The following TBX18 variants were observed in gnomAD, a reference collection of about 807,000 sequenced individuals.
TBX18 encodes T-box transcription factor 18.
Under a neutral mutation model 55.0 loss-of-function variants are expected in TBX18, and 21 were observed. The observed-to-expected ratio is 0.38, with a 90% CI of 0.27 to 0.55. The LOEUF (loss-of-function observed/expected upper bound fraction) is 0.55. Among genes scored for constraint, TBX18 ranks in the 20% least tolerant of loss-of-function variants. TBX18 has a pLI of 0.73. For missense variants in TBX18, 840 were observed against 799.6 expected, an observed-to-expected ratio of 1.05 and a Z score of -0.61; for synonymous variants, 342 against 326.1, an observed-to-expected ratio of 1.05 and a Z score of -0.53.
At position 84,763,971 on chromosome 6, in the gene TBX18, C is replaced by G; in HGVS notation, c.211G>C (p.Glu71Gln). ...GCCGGCGGCGGGAGCGCAGCGCCTT[C>G]GTCTCCCTCAGAAGAACCCTTTTCG... is the stretch of plus-strand genomic sequence containing the variant. The part of the protein sequence containing the change: ...AGEKGSSEGD[E>Q]GAALPPPAGA... Residue 71 changes from glutamate (E) to glutamine (Q), a missense_variant, in exon 1 of 8, where the codon GAA becomes CAA. Glu to Gln is a conservative substitution (Grantham distance 29). Coordinates refer to ENST00000369663, the MANE Select transcript of TBX18 (RefSeq NM_001080508.3). 1 of 1,581,054 alleles carries G rather than the reference C, an allele frequency of 6.3e-7. No homozygotes were observed.
chr6:84,737,349 G>A lies in TBX18; in HGVS notation c.1160C>T (p.Pro387Leu), dbSNP rs1442535768. 6.4e-7 allele frequency: 1 copy of A among 1,566,240 alleles called. No homozygotes were observed. The highest frequency in any genetic ancestry group is 1.2e-5 in the South Asian group (1 of 81,686). The change falls in exon 8 of 8, where the codon CCT becomes CTT. Residue 387 changes from proline to leucine, a missense_variant. Coordinates refer to ENST00000369663, the MANE Select transcript of TBX18 (RefSeq NM_001080508.3). ...GTGNGVPATH[P>L]HLLSGSSCSS... The stretch of plus-strand genomic sequence containing the variant: ...GCAAGAGGAGCCAGACAAAAGGTGA[G>A]GGTGAGTGGCAGGAACGCCATTCCC...
At chr6:84,745,615 T>G (rs867537518) in intron 5 of TBX18, among the ~76,000 whole-genome samples, 2 of 152,146 alleles carry the variant, frequency 1.3e-5, no homozygotes, top group Admixed American at 6.6e-5. Context: ...AGTCATCATG[T>G]CTGCCACTCT....
intron 6 of TBX18, among the ~76,000 whole-genome samples, chr6:84,738,990 T>C (rs1332058345): frequency 6.6e-6 from 1 of 152,152 alleles, no homozygotes; most frequent in East Asian, 1.9e-4. Flanking sequence ...AGGAAGGCAT[T>C]GCCACAAAAG....
intron 7 of TBX18, 123 bp downstream of exon 7, chr6:84,738,374 G>C (rs1766940066): frequency 2.5e-6 from 2 of 813,734 alleles, no homozygotes; most frequent in Non-Finnish European, 4.3e-6. Context: ...GATGGAATCT[G>C]TAGGACAATG....
At chr6:84,751,987 G>A (rs1767361403) in intron 4 of TBX18, among the ~76,000 whole-genome samples, 1 of 152,188 alleles carries the variant, frequency 6.6e-6, no homozygotes, top group South Asian at 2.1e-4. Flanking sequence ...ACAATGATAT[G>A]ATGCCCATCT....
Position 84,763,902 on chromosome 6 carries a change from G to C in TBX18, c.280C>G (p.Arg94Gly). ...GPARSGADLERGAAGGCEDGF... is the reference protein window; with the variant it reads ...GPARSGADLEGGAAGGCEDGF... ...GGGGCCCACTCACCCGCGGCTCCGC[G>C]CTCCAGGTCTGCGCCACTCCGAGCC... is the stretch of plus-strand genomic sequence containing the variant. The change falls in exon 1 of 8, where the codon CGC becomes GGC. Residue 94 changes from arginine (R) to glycine (G), a missense_variant. Arg to Gly is a moderately radical substitution (Grantham distance 125, BLOSUM62 -2). Coordinates refer to ENST00000369663, the MANE Select transcript of TBX18 (RefSeq NM_001080508.3). 2 of 1,515,098 alleles carry C rather than the reference G, an allele frequency of 1.3e-6. No homozygotes were observed. Among genetic ancestry groups the C allele is most frequent in the South Asian group, 1.3e-5 (1 of 78,592 alleles). The allele number at this position is 1,515,098 out of a possible 1,614,324, so 93.9% of individuals were successfully genotyped here. A position where few individuals can be genotyped will look rare whatever the true frequency, so the allele number is the denominator to read the frequency against.
intron 4 of TBX18, among the ~76,000 whole-genome samples, chr6:84,753,484 C>CAAAT (rs1173792477): frequency 6.6e-6 from 1 of 151,628 alleles, no homozygotes; most frequent in Non-Finnish European, 1.5e-5. Flanking sequence ...AATCACCTCT[C>CAAAT]ATTTGAGTCA....
chr6:84,736,000 T>C lies in TBX18; in HGVS notation c.*685A>G, dbSNP rs151217247. On this transcript the variant is annotated 3_prime_UTR_variant, in exon 8 of 8. Transcript: ENST00000369663. ...TCTACAGATGAATAAGAACCTCTTATGTGCCCAATGGAAAGTGTAAAAAAA... is the reference window on the plus strand; with the variant it reads ...TCTACAGATGAATAAGAACCTCTTACGTGCCCAATGGAAAGTGTAAAAAAA... 2.0e-5 allele frequency: 3 copies of C among 152,142 alleles called. No homozygotes were observed. Among genetic ancestry groups the C allele is most frequent in the Non-Finnish European group, 2.9e-5 (2 of 68,034 alleles). 9.4% of individuals were successfully genotyped at this position (152,142 alleles called of 1,614,324 possible). A position where few individuals can be genotyped will look rare whatever the true frequency, so the allele number is the denominator to read the frequency against.
At chr6:84,738,406 T>G in intron 7 of TBX18, 91 bp downstream of exon 7, 1 of 959,634 alleles carries the variant, frequency 1.0e-6, no homozygotes. Flanking sequence ...GTCATTATTG[T>G]AAGTATAAAT....
chr6:84,739,939 T>C (rs889484641), intron 6 of TBX18, among the ~76,000 whole-genome samples: 3 of 152,242 alleles, frequency 2.0e-5, no homozygotes, highest in African/African-American at 7.2e-5. Context: ...TCTGGAGGAA[T>C]ACGCCTACCC....
chr6:84,738,372 C>G (rs1766940006), intron 7 of TBX18, 125 bp downstream of exon 7: 1 of 803,464 alleles, frequency 1.2e-6, no homozygotes. Flanking sequence ...CAGATGGAAT[C>G]TGTAGGACAA....
rs570384724 is a variant in TBX18, at chr6:84,763,813, C to T, written c.292+77G>A. ...GCCTTGGCCATGTAGGGACGCGGCGCGCACGCACACCCACAGACTCGCAGA... is the reference window on the plus strand; with the variant it reads ...GCCTTGGCCATGTAGGGACGCGGCGTGCACGCACACCCACAGACTCGCAGA... On this transcript the variant is annotated intron_variant, in intron 1 of 7. Transcript: ENST00000369663. 2.5e-4 allele frequency: 355 copies of T among 1,425,600 alleles called. No homozygotes were observed. In the African/African-American group the frequency reaches 4.9e-3, roughly 20 times the overall value. The allele number at this position is 1,425,600 out of a possible 1,614,324, so 88.3% of individuals were successfully genotyped here.
intron 7 of TBX18, 150 bp from the exon 8 acceptor site, chr6:84,737,559 T>A: frequency 1.1e-6 from 1 of 881,638 alleles, no homozygotes; most frequent in Non-Finnish European, 1.5e-6. Flanking sequence ...TTTCAAGGAA[T>A]TATCTGGTTG....
chr6:84,746,381 T>C (rs1767187345), intron 5 of TBX18, among the ~76,000 whole-genome samples: 1 of 148,006 alleles, frequency 6.8e-6, no homozygotes, highest in Non-Finnish European at 1.5e-5. Context: ...ATTAAATATA[T>C]AATTATATCT....
At chr6:84,738,762 C>T (rs1766960826) in intron 6 of TBX18, among the ~76,000 whole-genome samples, 171 bp from the exon 7 acceptor site, 1 of 152,172 alleles carries the variant, frequency 6.6e-6, no homozygotes, top group African/African-American at 2.4e-5. Flanking sequence ...AATGGGCTAA[C>T]ATCCTGTTAC....
In TBX18 at chr6:84,736,652, C is replaced by A; in HGVS notation, c.*33G>T. ...AAAAAGAAAAAGAAAATATGTTAGA[C>A]AGATCCAAATGTCATTTAACTTAAA... On this transcript the variant is annotated 3_prime_UTR_variant, in exon 8 of 8. Transcript: ENST00000369663. 1 of 1,491,692 alleles carries A rather than the reference C, an allele frequency of 6.7e-7. No individual in the cohort carries two copies. Among genetic ancestry groups the A allele is most frequent in the Non-Finnish European group, 8.9e-7 (1 of 1,121,840 alleles). 92.4% of individuals were successfully genotyped at this position (1,491,692 alleles called of 1,614,324 possible). A position where few individuals can be genotyped will look rare whatever the true frequency, so the allele number is the denominator to read the frequency against.
chr6:84,749,434 C>T (rs1440484292), intron 4 of TBX18, among the ~76,000 whole-genome samples: 3 of 151,974 alleles, frequency 2.0e-5, no homozygotes, highest in Non-Finnish European at 4.4e-5. Flanking sequence ...GTGTTTGCTG[C>T]CACAAGAAGA....
chr6:84,744,442 C>G, intron 5 of TBX18, 117 bp from the exon 6 acceptor site: 1 of 728,182 alleles, frequency 1.4e-6, no homozygotes, highest in Non-Finnish European at 2.2e-6. Context: ...TTGTATAAGC[C>G]TCTTTTATTC....
Position 84,736,983 on chromosome 6 carries a change from GC to G in TBX18, c.1525del (p.Ala509ProfsTer55). On this transcript the variant is annotated frameshift_variant, in exon 8 of 8. Coordinates refer to ENST00000369663, the MANE Select transcript of TBX18 (RefSeq NM_001080508.3). LOFTEE classifies it high-confidence loss of function. ...IMPSPSSNAF[A>X]TNQTHQGSYN... Reference sequence around the variant, plus strand: ...GGAACCCTGATGGGTCTGGTTAGTGGCGAAGGCATTGCTGGAGGGTGATGGC... The same window carrying G: ...GGAACCCTGATGGGTCTGGTTAGTGGGAAGGCATTGCTGGAGGGTGATGGC... The G allele has an allele frequency of 1.9e-6, 3 of 1,611,798 alleles. No homozygotes were observed. Among genetic ancestry groups the G allele is most frequent in the Non-Finnish European group, 2.5e-6 (3 of 1,178,640 alleles).
Sources: allele counts gnomAD v4.1 joint callset (sites outside exome capture counted in the v4.1 genomes callset), GRCh38; gene constraint gnomAD v4.1.1; transcripts MANE v1.5; gene names NCBI Gene and HGNC (gene_info 2026-07-23, HGNC 2026-07-21).